The following SNRNP27 variants were observed in gnomAD, a reference collection of about 807,000 sequenced individuals.
SNRNP27 encodes U4/U6.U5 small nuclear ribonucleoprotein 27 kDa protein.
In SNRNP27, 22 loss-of-function variants were observed where a neutral mutation model predicts 25.1. The observed-to-expected ratio is 0.88, with a 90% CI of 0.63 to 1.25. The LOEUF (loss-of-function observed/expected upper bound fraction) is 1.25. Ranked by LOEUF, SNRNP27 falls within the 50% of genes most tolerant of loss-of-function variation. SNRNP27 has a pLI of 0.00. For missense variants in SNRNP27, 150 were observed against 202.3 expected, an observed-to-expected ratio of 0.74 and a Z score of 1.57; for synonymous variants, 66 against 64.9, an observed-to-expected ratio of 1.02 and a Z score of -0.08.
chr2:69,894,100 G>A, intron 1 of SNRNP27, 82 bp downstream of exon 1: 1 of 1,338,298 alleles, frequency 7.5e-7, no homozygotes, highest in Non-Finnish European at 1.1e-6. Context: ...GTTTTTGGTA[G>A]CCGCGTAGCA....
intron 4 of SNRNP27, among the ~76,000 whole-genome samples, chr2:69,898,905 G>A (rs1676647063): frequency 6.6e-6 from 1 of 152,152 alleles, no homozygotes; most frequent in South Asian, 2.1e-4. Context: ...TGAAATGTAA[G>A]TTTATTAAGA....
Position 69,895,129 on chromosome 2 carries a change from GA to G in SNRNP27, c.72del (p.Glu24AspfsTer44). The G allele has an allele frequency of 6.2e-7, 1 of 1,613,818 alleles. No homozygotes were observed. The highest frequency in any genetic ancestry group is 8.5e-7 in the Non-Finnish European group (1 of 1,179,962). ...RRSRSTSRER[E>X]RRRRERSRSR... ...TTCCCGGTCCACATCCCGGGAGAGAGAACGCAGGCGCCGAGAAAGGTCCAGG... is the reference window on the plus strand; with the variant it reads ...TTCCCGGTCCACATCCCGGGAGAGAGACGCAGGCGCCGAGAAAGGTCCAGG... On this transcript the variant is annotated frameshift_variant, in exon 2 of 6. Coordinates refer to ENST00000244227, the MANE Select transcript of SNRNP27 (RefSeq NM_006857.3). LOFTEE classifies it high-confidence loss of function.
intron 5 of SNRNP27, 200 bp downstream of exon 5, chr2:69,903,445 G>C (rs561810619): frequency 9.6e-6 from 5 of 522,744 alleles, no homozygotes; most frequent in Admixed American, 3.5e-5. Flanking sequence ...ATTAGAGAGA[G>C]GGTAGTTGGC....
At chr2:69,894,066 G>A (rs201307187) in intron 1 of SNRNP27, 48 bp downstream of exon 1, 2 of 1,516,168 alleles carry the variant, frequency 1.3e-6, no homozygotes, top group Non-Finnish European at 1.8e-6. Flanking sequence ...TTGGAGGCCT[G>A]TCCCTTTTGT....
At chr2:69,894,096 G>A in intron 1 of SNRNP27, 78 bp downstream of exon 1, 1 of 1,375,008 alleles carries the variant, frequency 7.3e-7, no homozygotes, top group Non-Finnish European at 1.0e-6. Context: ...TTTTGTTTTT[G>A]GTAGCCGCGT....
intron 4 of SNRNP27, among the ~76,000 whole-genome samples, chr2:69,901,002 C>T (rs1224910913): frequency 6.6e-6 from 1 of 151,962 alleles, no homozygotes. Context: ...GATGAAACCC[C>T]ATGTCTACTA....
chr2:69,903,260 C>CA lies in SNRNP27; in HGVS notation c.413+16dup. 1.3e-6 allele frequency: 2 copies of CA among 1,580,020 alleles called. No homozygotes were observed. The highest frequency in any genetic ancestry group is 1.7e-6 in the Non-Finnish European group (2 of 1,149,590). On this transcript the variant is annotated intron_variant, in intron 5 of 5. Transcript: ENST00000244227. The stretch of plus-strand genomic sequence containing the variant: ...AGGAAGTACAGGTATGCATAGCCCC[C>CA]ATTATTATGTTTGAACTAATAAATC...
chr2:69,896,449 C>A lies in SNRNP27; in HGVS notation c.169C>A (p.His57Asn). 6.2e-7 allele frequency: 1 copy of A among 1,611,596 alleles called. No homozygotes were observed. Among genetic ancestry groups the A allele is most frequent in the Non-Finnish European group, 8.5e-7 (1 of 1,178,886 alleles). ...TATAAATATTAGATCTCCAAGACGA[C>A]ATAGATCCACATCTCCTTCCCCTTC... ...HRRRSRSPRR[H>N]RSTSPSPSRL... The change falls in exon 3 of 6, where the codon CAT (histidine) becomes AAT (asparagine). Residue 57 changes from histidine to asparagine, a missense_variant. His to Asn is a moderately conservative substitution (Grantham distance 68). Around this residue, in one of 2 missense-constraint regions of SNRNP27, gnomAD observed 142 missense variants for 168.6 expected, o/e 0.84. Coordinates refer to ENST00000244227, the MANE Select transcript of SNRNP27 (RefSeq NM_006857.3).
In SNRNP27 at chr2:69,894,006, T is replaced by C; in HGVS notation, c.22T>C (p.Ser8Pro). The change falls in exon 1 of 6, where the codon TCT becomes CCT. Residue 8 changes from serine (S) to proline (P), a missense_variant. Around this residue, in one of 2 missense-constraint regions of SNRNP27, gnomAD observed 142 missense variants for 168.6 expected, o/e 0.84. Coordinates refer to ENST00000244227, the MANE Select transcript of SNRNP27 (RefSeq NM_006857.3). ...CCAAATGGGTCGCAGTCGCAGCCGC[T>C]CTCCACGGAGGGGTGAGTCCTGTAG... MGRSRSR[S>P]PRRERRRSRS... 6.2e-7 allele frequency: 1 copy of C among 1,613,960 alleles called. No individual in the cohort carries two copies. The highest frequency in any genetic ancestry group is 8.5e-7 in the Non-Finnish European group (1 of 1,179,912).
chr2:69,904,274 G>A lies in SNRNP27; in HGVS notation c.434G>A (p.Gly145Asp). 6.2e-7 allele frequency: 1 copy of A among 1,608,732 alleles called. No individual in the cohort carries two copies. The highest frequency in any genetic ancestry group is 8.5e-7 in the Non-Finnish European group (1 of 1,178,166). Residue 145 changes from glycine to aspartate, a missense_variant, in exon 6 of 6, where the codon GGT becomes GAT. Transcript: ENST00000244227. ...CATAGGCAGTACATGAATCGAAAAGGTGGATTCAACAGACCTTTGGATTTC... is the reference window on the plus strand; with the variant it reads ...CATAGGCAGTACATGAATCGAAAAGATGGATTCAACAGACCTTTGGATTTC... Reference protein sequence around the residue: ...RKYRQYMNRKGGFNRPLDFIA With the variant: ...RKYRQYMNRKDGFNRPLDFIA
intron 2 of SNRNP27, among the ~76,000 whole-genome samples, chr2:69,895,580 T>G (rs1306449575): frequency 4.6e-5 from 7 of 152,314 alleles, no homozygotes; most frequent in African/African-American, 1.7e-4. Flanking sequence ...TCTCGCTCTG[T>G]CACCCAGGCT....
Position 69,904,399 on chromosome 2 carries a change from A to G in SNRNP27, c.*91A>G. On this transcript the variant is annotated 3_prime_UTR_variant, in exon 6 of 6. Coordinates refer to ENST00000244227, the MANE Select transcript of SNRNP27 (RefSeq NM_006857.3). Reference sequence around the variant, plus strand: ...TGTATTTAACTTGCATTCAAAAAACAGGATCTCAGTTCTCCTTTCTTGTAA... The same window carrying G: ...TGTATTTAACTTGCATTCAAAAAACGGGATCTCAGTTCTCCTTTCTTGTAA... 1 of 959,440 alleles carries G rather than the reference A, an allele frequency of 1.0e-6. No homozygotes were observed. The highest frequency in any genetic ancestry group is 2.4e-5 in the East Asian group (1 of 41,512). The allele number at this position is 959,440 out of a possible 1,614,324, so 59.4% of individuals were successfully genotyped here. A position where few individuals can be genotyped will look rare whatever the true frequency, so the allele number is the denominator to read the frequency against.
Position 69,893,969 on chromosome 2 carries a change from G to A in SNRNP27, c.-16G>A, listed in dbSNP as rs757832636. On this transcript the variant is annotated 5_prime_UTR_variant, in exon 1 of 6. Transcript: ENST00000244227. ...GGAAGTTGTTGCACAGTTGTTTCCG[G>A]GAAGCGGGACTCCAAATGGGTCGCA... 9.9e-6 allele frequency: 16 copies of A among 1,613,928 alleles called. No homozygotes were observed. The highest frequency in any genetic ancestry group is 1.4e-5 in the Non-Finnish European group (16 of 1,179,908).
chr2:69,901,172 C>CAAA (rs944057272), intron 4 of SNRNP27, among the ~76,000 whole-genome samples: 14 of 112,696 alleles, frequency 1.2e-4, no homozygotes, highest in African/African-American at 4.0e-4. Context: ...GTCTCCATTT[C>CAAA]AAAAAAAAAA....
chr2:69,896,805 T>C (rs1353124674), intron 3 of SNRNP27, among the ~76,000 whole-genome samples: 1 of 151,652 alleles, frequency 6.6e-6, no homozygotes, highest in Non-Finnish European at 1.5e-5. Context: ...CCCAGAGTAG[T>C]TGGGATTACA....
In SNRNP27 at chr2:69,904,639, T is replaced by G; in HGVS notation, c.*331T>G. 2.2e-6 allele frequency: 1 copy of G among 458,462 alleles called. No homozygotes were observed. Among genetic ancestry groups the G allele is most frequent in the Non-Finnish European group, 3.8e-6 (1 of 262,814 alleles). The allele number at this position is 458,462 out of a possible 1,614,324, so 28.4% of individuals were successfully genotyped here. A position where few individuals can be genotyped will look rare whatever the true frequency, so the allele number is the denominator to read the frequency against. On this transcript the variant is annotated 3_prime_UTR_variant, in exon 6 of 6. Coordinates refer to ENST00000244227, the MANE Select transcript of SNRNP27 (RefSeq NM_006857.3). ...AACATGAAAGTAATTTGGAAGTAAG[T>G]TTATCCAATAAAGCAGTATTTCTAC...
intron 4 of SNRNP27, among the ~76,000 whole-genome samples, chr2:69,900,212 A>G (rs1453412774): frequency 6.6e-6 from 1 of 152,060 alleles, no homozygotes; most frequent in Non-Finnish European, 1.5e-5. Context: ...CTTCAATAAC[A>G]TTTTTCTAGA....
At chr2:69,895,066 T>G in intron 1 of SNRNP27, 28 bp from the exon 2 acceptor site, 1 of 1,611,254 alleles carries the variant, frequency 6.2e-7, no homozygotes, top group South Asian at 1.1e-5. Flanking sequence ...TAATTATCAG[T>G]TCTGCAATTT....
At position 69,895,143 on chromosome 2, in the gene SNRNP27, A is replaced by G; in HGVS notation, c.84A>G (p.Arg28=). The G allele has an allele frequency of 6.2e-7, 1 of 1,613,970 alleles. No individual in the cohort carries two copies. The highest frequency in any genetic ancestry group is 8.5e-7 in the Non-Finnish European group (1 of 1,179,982). ...CCCGGGAGAGAGAACGCAGGCGCCG[A>G]GAAAGGTCCAGGTCTCGGGAGAGAG... The part of the protein sequence containing the change: ...STSRERERRR[R]ERSRSRERDR... The change falls in exon 2 of 6, where the codon CGA becomes CGG. Residue 28 remains arginine (R), a synonymous_variant. Coordinates refer to ENST00000244227, the MANE Select transcript of SNRNP27 (RefSeq NM_006857.3).
Sources: gnomAD v4.1 joint callset for allele counts (sites outside exome capture counted in the v4.1 genomes callset) on GRCh38, gnomAD v4.1.1 for gene constraint, gnomAD v4.1.1 regional missense constraint, MANE v1.5 for transcripts, NCBI Gene and HGNC (gene_info 2026-07-23, HGNC 2026-07-21) for gene names.